NUP133: variants seen among roughly 807,000 people sequenced by gnomAD.
NUP133 encodes nuclear pore complex protein Nup133.
Under a neutral mutation model 146.2 loss-of-function variants are expected in NUP133, and 66 were observed. The observed-to-expected ratio is 0.45, with a 90% CI of 0.37 to 0.55. The LOEUF is 0.55. Ranked by LOEUF, NUP133 falls within the 20% of genes least tolerant of loss-of-function variation. The pLI, the probability that NUP133 is intolerant of heterozygous loss-of-function variation, is 0.00. For missense variants in NUP133, 1,277 were observed against 1,374.8 expected, an observed-to-expected ratio of 0.93 and a Z score of 1.12; for synonymous variants, 521 against 498.8, an observed-to-expected ratio of 1.04 and a Z score of -0.59.
chr1:229,458,033 A>C, intron 21 of NUP133, 128 bp downstream of exon 21: 2 of 888,896 alleles, frequency 2.2e-6, no homozygotes, highest in Non-Finnish European at 3.3e-6. Flanking sequence ...GACATTAACT[A>C]AATGCATTCC....
chr1:229,463,320 A>C (rs77043345), intron 19 of NUP133, among the ~76,000 whole-genome samples: 4,615 of 152,240 alleles, frequency 0.03, 234 homozygotes, highest in African/African-American at 0.1. Flanking sequence ...AGGTGGGAGA[A>C]GTGATTGGAC....
At chr1:229,499,036 C>T (rs1381891452) in intron 5 of NUP133, 2 of 375,590 alleles carry the variant, frequency 5.3e-6, no homozygotes, top group Non-Finnish European at 1.1e-5. Context: ...GCAGCTGGGA[C>T]TACAGGCACA....
In NUP133 at chr1:229,441,917, T is replaced by C; in HGVS notation, c.3458A>G (p.Gln1153Arg). The C allele has an allele frequency of 6.3e-7, 1 of 1,575,966 alleles. No individual in the cohort carries two copies. Among genetic ancestry groups the C allele is most frequent in the South Asian group, 1.2e-5 (1 of 84,078 alleles). Residue 1153 changes from glutamine to arginine, a missense_variant, in exon 26 of 26, where the codon CAG becomes CGG. Physicochemically the swap from Gln to Arg is conservative, Grantham distance 43. This residue lies in a region of NUP133 where 952 missense variants were observed against 1,047.0 expected (regional missense o/e 0.91). Transcript: ENST00000261396. ...VLKANYEYYV[Q>R]GQI is the part of the protein sequence containing the mutation. ...TTTTAGAAAAAGTTATATTTGTCCC[T>C]GAACATAATATTCATAATTTGCTTT...
chr1:229,506,559 T>A (rs1234218054), intron 1 of NUP133, among the ~76,000 whole-genome samples: 2 of 151,918 alleles, frequency 1.3e-5, no homozygotes, highest in Non-Finnish European at 2.9e-5. Context: ...AAATACATTT[T>A]ATAAATATTG....
Position 229,508,271 on chromosome 1 carries a change from G to C in NUP133, c.-22C>G. 7.0e-7 allele frequency: 1 copy of C among 1,428,116 alleles called. No homozygotes were observed. The highest frequency in any genetic ancestry group is 2.9e-5 in the East Asian group (1 of 34,958). The allele number at this position is 1,428,116 out of a possible 1,614,324, so 88.5% of individuals were successfully genotyped here. A position where few individuals can be genotyped will look rare whatever the true frequency, so the allele number is the denominator to read the frequency against. On this transcript the variant is annotated 5_prime_UTR_variant, in exon 1 of 26. Transcript: ENST00000261396. ...ACATGACTCCAAGGAGCAGCGACTAGGACAGCGAGGGATCTGGCCGTCAGG... is the reference window on the plus strand; with the variant it reads ...ACATGACTCCAAGGAGCAGCGACTACGACAGCGAGGGATCTGGCCGTCAGG...
At chr1:229,471,577 T>G (rs935109213) in intron 14 of NUP133, among the ~76,000 whole-genome samples, 1 of 152,218 alleles carries the variant, frequency 6.6e-6, no homozygotes, top group African/African-American at 2.4e-5. Flanking sequence ...TCTACTGAGT[T>G]GCTTGGTGCC....
chr1:229,464,241 C>T (rs1660759382), intron 18 of NUP133, among the ~76,000 whole-genome samples: 1 of 152,132 alleles, frequency 6.6e-6, no homozygotes, highest in Admixed American at 6.6e-5. Context: ...CAAACTCTTC[C>T]CAGTCCTAGC....
rs1027990730 is a variant in NUP133 at position 229,487,494 on chromosome 1, G to C, written c.1314C>G (p.Pro438=). The change falls in exon 10 of 26, where the codon CCC becomes CCG. Residue 438 remains proline (P), a synonymous_variant. Coordinates refer to ENST00000261396, the MANE Select transcript of NUP133 (RefSeq NM_018230.3). ...CSTGTGKFSL[P]QEKIVFNAQG... ...GTGCATTAAAGACAATTTTCTCCTG[G>C]GGAAGAGAAAATTTCCCAGTTCCTG... 4.3e-6 allele frequency: 7 copies of C among 1,613,136 alleles called. No individual in the cohort carries two copies. Among genetic ancestry groups the C allele is most frequent in the Non-Finnish European group, 5.9e-6 (7 of 1,179,838 alleles).
chr1:229,487,383 A>C, intron 10 of NUP133, 83 bp downstream of exon 10: 1 of 1,302,680 alleles, frequency 7.7e-7, no homozygotes, highest in Non-Finnish European at 1.1e-6. Context: ...GCATGCTTGA[A>C]GTGACATTCA....
At chr1:229,487,830 CTTTT>C (rs1422058052) in intron 9 of NUP133, among the ~76,000 whole-genome samples, 2 of 144,868 alleles carry the variant, frequency 1.4e-5, no homozygotes, top group Non-Finnish European at 1.5e-5. Flanking sequence ...TTATAATTTG[CTTTT>C]TTAATTTTTT....
chr1:229,488,578 A>G (rs1661419919), intron 9 of NUP133, among the ~76,000 whole-genome samples: 1 of 152,186 alleles, frequency 6.6e-6, no homozygotes, highest in Non-Finnish European at 1.5e-5. Flanking sequence ...CTGCATAATC[A>G]GAACACATGA....
chr1:229,449,302 A>G, intron 23 of NUP133, 112 bp from the exon 24 acceptor site: 1 of 652,338 alleles, frequency 1.5e-6, no homozygotes, highest in Non-Finnish European at 2.6e-6. Context: ...AATATCTATG[A>G]ATTACTTTCA....
intron 21 of NUP133, among the ~76,000 whole-genome samples, chr1:229,452,874 G>A (rs913042749): frequency 3.3e-5 from 5 of 152,150 alleles, no homozygotes; most frequent in South Asian, 2.1e-4. Context: ...TCACAGCAAC[G>A]AGAAATAGGA....
intron 24 of NUP133, among the ~76,000 whole-genome samples, chr1:229,448,337 A>C (rs373017984): frequency 1.3e-5 from 2 of 152,152 alleles, no homozygotes; most frequent in Non-Finnish European, 2.9e-5. Flanking sequence ...CTGAGGCAGG[A>C]GAATTGCTTG....
At chr1:229,454,376 C>A (rs1660517795) in intron 21 of NUP133, among the ~76,000 whole-genome samples, 1 of 152,144 alleles carries the variant, frequency 6.6e-6, no homozygotes, top group African/African-American at 2.4e-5. Flanking sequence ...GGCAGCATTC[C>A]CCGTGATCCT....
At chr1:229,473,286 T>C (rs192856119) in intron 14 of NUP133, among the ~76,000 whole-genome samples, 1 of 152,298 alleles carries the variant, frequency 6.6e-6, no homozygotes, top group East Asian at 1.9e-4. Context: ...CCTTAGTATC[T>C]AGTTATACCT....
chr1:229,475,355 A>G lies in NUP133; in HGVS notation c.1851+283T>C, dbSNP rs567512724. 2.0e-5 allele frequency among the ~76,000 whole-genome samples: 3 copies of G among 152,356 alleles called. No individual in the cohort carries two copies. In the East Asian group the frequency reaches 5.8e-4, roughly 29 times the overall value. On this transcript the variant is annotated intron_variant, in intron 14 of 25. Coordinates refer to ENST00000261396, the MANE Select transcript of NUP133 (RefSeq NM_018230.3). Reference sequence around the variant, plus strand: ...GATTCTAATGGCACCTCAAAATTAAAAGTCATACATAAAAATCTGTCAAAT... The same window carrying G: ...GATTCTAATGGCACCTCAAAATTAAGAGTCATACATAAAAATCTGTCAAAT...
intron 24 of NUP133, chr1:229,448,817 T>G: frequency 5.6e-6 from 2 of 357,576 alleles, no homozygotes; most frequent in East Asian, 6.6e-5. Context: ...AAGGAGGGGG[T>G]TGTGGGAACC....
At chr1:229,491,065 C>T (rs1321321123) in intron 8 of NUP133, among the ~76,000 whole-genome samples, 1 of 152,002 alleles carries the variant, frequency 6.6e-6, no homozygotes, top group African/African-American at 2.4e-5. Context: ...TCAAAACAAC[C>T]ATCTGATCCA....
Sources: gnomAD v4.1 joint callset for allele counts (sites outside exome capture counted in the v4.1 genomes callset) on GRCh38, gnomAD v4.1.1 for gene constraint, gnomAD v4.1.1 regional missense constraint, MANE v1.5 for transcripts, NCBI Gene and HGNC (gene_info 2026-07-23, HGNC 2026-07-21) for gene names.